Variants in SLC36A1 observed in about 807,000 individuals in gnomAD.
SLC36A1 encodes solute carrier family 36 member 1, also known as proton-coupled amino acid transporter 1.
SLC36A1 carries 30 observed loss-of-function variants against 47.5 expected under a neutral mutation model. The ratio of observed to expected loss-of-function variants is 0.63; its 90% confidence interval spans 0.47 to 0.86. The LOEUF (loss-of-function observed/expected upper bound fraction) is 0.86, where lower values mean the gene tolerates loss of function less well. Ranked by LOEUF, SLC36A1 falls within the 40% of genes least tolerant of loss-of-function variation. The pLI is 0.00. For synonymous variants in SLC36A1, 255 were observed against 249.7 expected (o/e 1.02, Z -0.20); for missense variants, 517 against 606.0 (o/e 0.85, Z 1.54).
Position 151,464,500 on chromosome 5 carries a change from A to G in SLC36A1, c.235-14A>G. The stretch of plus-strand genomic sequence containing the variant: ...CTTTTCTCTCTCTCTTTTGCCTGCA[A>G]TATCTGTCCCCAGATGGGTCCCATC... On this transcript the variant is annotated splice_polypyrimidine_tract_variant and intron_variant, in intron 3 of 10. Coordinates refer to ENST00000243389, the MANE Select transcript of SLC36A1 (RefSeq NM_078483.4). The G allele has an allele frequency of 5.6e-6, 9 of 1,611,110 alleles. No individual in the cohort carries two copies. Among genetic ancestry groups the G allele is most frequent in the Non-Finnish European group, 7.6e-6 (9 of 1,177,882 alleles).
At chr5:151,418,565 G>A in the SLC36A1 span, among the ~76,000 whole-genome samples, 1 of 152,130 alleles carries the variant, frequency 6.6e-6, no homozygotes, top group East Asian at 1.9e-4. Context: ...GGAGCCTGTA[G>A]CCCCTTTGTT....
chr5:151,494,459 C>T (rs545171693), downstream of SLC36A1, among the ~76,000 whole-genome samples: 18 of 152,300 alleles, frequency 1.2e-4, no homozygotes, highest in East Asian at 2.9e-3. Context: ...CAATCAATCC[C>T]ATCCTCACAC....
the SLC36A1 span, among the ~76,000 whole-genome samples, chr5:151,506,629 C>T: frequency 0.016 from 2,399 of 152,274 alleles, 35 homozygotes; most frequent in Non-Finnish European, 0.023. Flanking sequence ...CCTCGGTTTC[C>T]GTATTTGACA....
At chr5:151,366,886 G>A in the SLC36A1 span, among the ~76,000 whole-genome samples, 75 of 152,300 alleles carry the variant, frequency 4.9e-4, 1 homozygote, top group African/African-American at 1.5e-3. Flanking sequence ...CGGTAAGACC[G>A]TGATGCCCAC....
chr5:151,551,379 A>T, the SLC36A1 span: 2 of 1,386,558 alleles, frequency 1.4e-6, no homozygotes, highest in Non-Finnish European at 2.0e-6. Context: ...GGAACACCAC[A>T]TCCACAGAAA....
the SLC36A1 span, among the ~76,000 whole-genome samples, chr5:151,547,709 C>T: frequency 6.6e-6 from 1 of 152,138 alleles, no homozygotes; most frequent in Non-Finnish European, 1.5e-5. Context: ...GCTAAGTCAA[C>T]AACCTACATG....
At chr5:151,515,854 A>G in the SLC36A1 span, among the ~76,000 whole-genome samples, 2 of 152,204 alleles carry the variant, frequency 1.3e-5, no homozygotes, top group Admixed American at 1.3e-4. Flanking sequence ...CCCTTTTAAA[A>G]TAGATCATTG....
chr5:151,514,329 A>T, the SLC36A1 span, among the ~76,000 whole-genome samples: 1 of 152,158 alleles, frequency 6.6e-6, no homozygotes, highest in Non-Finnish European at 1.5e-5. Flanking sequence ...CCGTCTTTTC[A>T]TTGTCTCCCA....
rs1581133344 is a variant in SLC36A1, at chr5:151,465,100, G to C, written c.350G>C (p.Gly117Ala). The change falls in exon 5 of 11, where the codon GGT becomes GCT. Residue 117 changes from glycine (G) to alanine (A), a missense_variant. Gly to Ala is a moderately conservative substitution (Grantham distance 60). Transcript: ENST00000243389. ...RRLNKSFVDY[G>A]DTVMYGLESS... ...CTGAATAAATCCTTTGTGGATTATG[G>C]TGATACTGTGATGTATGGACTAGAA... 1 of 1,613,962 alleles carries C rather than the reference G, an allele frequency of 6.2e-7. No individual in the cohort carries two copies. The highest frequency in any genetic ancestry group is 1.3e-5 in the African/African-American group (1 of 74,910).
the SLC36A1 span, among the ~76,000 whole-genome samples, chr5:151,426,872 G>A: frequency 3.9e-5 from 6 of 152,170 alleles, no homozygotes; most frequent in East Asian, 1.9e-4. Context: ...CTGGGTACTC[G>A]AGACTGGAGA....
the SLC36A1 span, among the ~76,000 whole-genome samples, chr5:151,385,011 T>TGC: frequency 1.0e-5 from 1 of 95,988 alleles, no homozygotes; most frequent in African/African-American, 6.0e-5. Context: ...AGAGAGAGAG[T>TGC]GTGTGTGTGT....
the SLC36A1 span, among the ~76,000 whole-genome samples, chr5:151,365,566 T>G: frequency 6.6e-6 from 1 of 152,162 alleles, no homozygotes. Flanking sequence ...TAGTCCACCC[T>G]CTCATTTTAC....
chr5:151,389,377 T>C, the SLC36A1 span, among the ~76,000 whole-genome samples: 1 of 152,064 alleles, frequency 6.6e-6, no homozygotes, highest in Non-Finnish European at 1.5e-5. Context: ...CCCCTGGTAA[T>C]AATTAATCCT....
intron 1 of SLC36A1, among the ~76,000 whole-genome samples, chr5:151,438,378 AG>A (rs1759900320): frequency 6.7e-6 from 1 of 150,326 alleles, no homozygotes; most frequent in Non-Finnish European, 1.5e-5. Context: ...ATCAAAGAAC[AG>A]GCTGTTCTTA....
chr5:151,362,370 C>T, the SLC36A1 span, among the ~76,000 whole-genome samples: 1 of 149,378 alleles, frequency 6.7e-6, no homozygotes, highest in Non-Finnish European at 1.5e-5. Flanking sequence ...CTGATTCTTC[C>T]TTTGCTTGAT....
the SLC36A1 span, chr5:151,545,229 C>T: frequency 6.2e-7 from 1 of 1,614,174 alleles, no homozygotes; most frequent in Non-Finnish European, 8.5e-7. Context: ...GATCAAACTG[C>T]AAGCTTTTGT....
the SLC36A1 span, chr5:151,517,635 C>T: frequency 5.7e-5 from 92 of 1,613,996 alleles, no homozygotes; most frequent in East Asian, 6.7e-5. Context: ...GGGAGACGGA[C>T]GCTGTTTCAT....
At chr5:151,451,836 G>A (rs1447830053) in intron 1 of SLC36A1, among the ~76,000 whole-genome samples, 2 of 152,100 alleles carry the variant, frequency 1.3e-5, no homozygotes, top group Non-Finnish European at 2.9e-5. Context: ...AGGCTCTGGG[G>A]CCAGCTTTGT....
At chr5:151,512,269 C>T in the SLC36A1 span, 1 of 1,614,224 alleles carries the variant, frequency 6.2e-7, no homozygotes, top group Non-Finnish European at 8.5e-7. This position sits in a 1 kb window ranked among gnomAD's most constrained non-coding sequence, Gnocchi z 4.1. Context: ...CTCCAGCAAG[C>T]CTGCCACCGT....
Sources: gnomAD v4.1 joint callset for allele counts (sites outside exome capture counted in the v4.1 genomes callset) on GRCh38, gnomAD v4.1.1 for gene constraint, Gnocchi (gnomAD v3.1) non-coding constraint, MANE v1.5 for transcripts, NCBI Gene and HGNC (gene_info 2026-07-23, HGNC 2026-07-21) for gene names.